The following TIAM1 variants were observed in gnomAD, a reference collection of about 807,000 sequenced individuals.
TIAM1 encodes TIAM Rac1 associated GEF 1.
Under a neutral mutation model 163.5 loss-of-function variants are expected in TIAM1, and 65 were observed. The ratio of observed to expected loss-of-function variants is 0.40; its 90% CI spans 0.33 to 0.49. The LOEUF (loss-of-function observed/expected upper bound fraction) is 0.49. Ranked by LOEUF, TIAM1 falls within the 20% of genes least tolerant of loss-of-function variation. The probability of loss-of-function intolerance (pLI) is 0.77; values close to 1 mark genes in which losing one functional copy is unlikely to be tolerated. For synonymous variants in TIAM1, 833 were observed against 810.1 expected (o/e 1.03, Z -0.48); for missense variants, 1,789 against 2,044.7 (o/e 0.87, Z 2.41).
In TIAM1 at chr21:31,291,380, C is replaced by T. The variant is rs547982458; in HGVS notation, c.-188-14472G>A. On this transcript the variant is annotated intron_variant, in intron 2 of 27. Coordinates refer to ENST00000541036, the MANE Select transcript of TIAM1 (RefSeq NM_001353694.2). ...ACCTGTCTCTGGCCAGCTTCCAATC[C>T]AGAAAGTCTGCTGATGATGGAAGGA... Among the ~76,000 whole-genome samples, 23 of 152,296 alleles carry T rather than the reference C, an allele frequency of 1.5e-4. 2 individuals are homozygous for T. The South Asian group carries it at 4.2e-3, about 28-fold the overall frequency.
intron 1 of TIAM1, among the ~76,000 whole-genome samples, chr21:31,512,232 GACTAC>G (rs1165882936): frequency 8.6e-5 from 13 of 152,020 alleles, no homozygotes; most frequent in African/African-American, 3.1e-4. Flanking sequence ...AAGTAGCTGG[GACTAC>G]AGGCACATAT....
intron 1 of TIAM1, among the ~76,000 whole-genome samples, chr21:31,503,616 A>G (rs1347973380): frequency 1.1e-5 from 1 of 86,992 alleles, no homozygotes; most frequent in Non-Finnish European, 2.4e-5. Flanking sequence ...GAGGGGAGGG[A>G]CCTGAAATCA....
chr21:31,506,578 C>T (rs2047036268), intron 1 of TIAM1, among the ~76,000 whole-genome samples: 1 of 152,180 alleles, frequency 6.6e-6, no homozygotes, highest in South Asian at 2.1e-4. Flanking sequence ...TTTTACTTAA[C>T]GTAATGTCTT....
intron 12 of TIAM1, among the ~76,000 whole-genome samples, chr21:31,200,206 G>A (rs937573487): frequency 6.6e-6 from 1 of 152,086 alleles, no homozygotes; most frequent in African/African-American, 2.4e-5. Flanking sequence ...GTGTGGTGGT[G>A]GGCAACTCTA....
intron 2 of TIAM1, among the ~76,000 whole-genome samples, chr21:31,425,061 A>C (rs1266255328): frequency 1.3e-5 from 2 of 152,040 alleles, no homozygotes; most frequent in African/African-American, 2.4e-5. Context: ...TCAAACAAAA[A>C]AAAAAAAAGA....
intron 1 of TIAM1, among the ~76,000 whole-genome samples, chr21:31,497,063 C>T (rs1159860615): frequency 1.3e-5 from 2 of 152,154 alleles, no homozygotes; most frequent in African/African-American, 2.4e-5. Flanking sequence ...ACCCACCTGC[C>T]ACTCACCTCC....
chr21:31,203,531 A>G (rs1321349750), intron 11 of TIAM1, among the ~76,000 whole-genome samples: 1 of 152,272 alleles, frequency 6.6e-6, no homozygotes, highest in East Asian at 1.9e-4. Context: ...CACTGGTAAC[A>G]TTCCAAGGGT....
At chr21:31,378,731 G>C (rs900246282) in intron 2 of TIAM1, among the ~76,000 whole-genome samples, 9 of 151,922 alleles carry the variant, frequency 5.9e-5, no homozygotes, top group African/African-American at 2.2e-4. Context: ...TGCACCCCTG[G>C]GTTCCACCAA....
At chr21:31,418,794 C>T (rs1301654965) in intron 2 of TIAM1, among the ~76,000 whole-genome samples, 4 of 152,192 alleles carry the variant, frequency 2.6e-5, no homozygotes, top group Non-Finnish European at 5.9e-5. Flanking sequence ...CGACACTGGA[C>T]TTTGCACAGA....
At chr21:31,374,876 A>T (rs984948561) in intron 2 of TIAM1, among the ~76,000 whole-genome samples, 2 of 152,250 alleles carry the variant, frequency 1.3e-5, no homozygotes, top group Non-Finnish European at 2.9e-5. Flanking sequence ...TATTTTAAAC[A>T]GATAATACCC....
At chr21:31,408,988 C>T (rs1207373783) in intron 2 of TIAM1, among the ~76,000 whole-genome samples, 1 of 142,902 alleles carries the variant, frequency 7.0e-6, no homozygotes, top group African/African-American at 3.0e-5. Context: ...CTGTGTCACC[C>T]ACATGCCCCC....
At chr21:31,320,083 T>C (rs1163162124) in intron 2 of TIAM1, among the ~76,000 whole-genome samples, 3 of 152,190 alleles carry the variant, frequency 2.0e-5, no homozygotes, top group Admixed American at 6.5e-5. Flanking sequence ...AACATATGTA[T>C]ATATACACCT....
chr21:31,541,982 T>C (rs2048335761), intron 1 of TIAM1, among the ~76,000 whole-genome samples: 1 of 152,182 alleles, frequency 6.6e-6, no homozygotes, highest in African/African-American at 2.4e-5. Context: ...CAATTAGCAA[T>C]TTCCTCACTT....
intron 8 of TIAM1, 51 bp downstream of exon 8, chr21:31,223,355 G>A: frequency 3.2e-6 from 5 of 1,538,498 alleles, no homozygotes; most frequent in Non-Finnish European, 4.4e-6. Flanking sequence ...TCCTGCTCAG[G>A]ATTAAGCGTC....
At chr21:31,177,037 T>C (rs768358299) in intron 15 of TIAM1, among the ~76,000 whole-genome samples, 3 of 152,176 alleles carry the variant, frequency 2.0e-5, no homozygotes, top group African/African-American at 7.2e-5. Flanking sequence ...TGAGGTGGCG[T>C]AGAAGGCAGG....
chr21:31,162,968 G>A (rs2084004190), intron 16 of TIAM1, among the ~76,000 whole-genome samples: 1 of 152,098 alleles, frequency 6.6e-6, no homozygotes, highest in Admixed American at 6.6e-5. Flanking sequence ...AAGCCCTGGA[G>A]CCTCTTCCGT....
chr21:31,428,994 C>CTTTGTTTGTTTGTTTG lies in TIAM1; in HGVS notation c.-369+34973_-369+34988dup, dbSNP rs376708387. The stretch of plus-strand genomic sequence containing the variant: ...TGGTGGCAGAATTGATACAACCTAA[C>CTTTGTTTGTTTGTTTG]TTTGTTTGTTTGTTTGTTTGTTTAA... On this transcript the variant is annotated intron_variant, in intron 2 of 28. Coordinates refer to the TIAM1 transcript ENST00000286827. Among the ~76,000 whole-genome samples the CTTTGTTTGTTTGTTTG allele has an allele frequency of 6.8e-3, 1,033 of 151,836 alleles. 11 individuals carry two copies. The highest frequency in any genetic ancestry group is 0.023 in the African/African-American group (960 of 41,316).
Position 31,150,724 on chromosome 21 carries a change from T to C in TIAM1, c.3366+1912A>G, listed in dbSNP as rs763013158. On this transcript the variant is annotated intron_variant, in intron 19 of 27. Transcript: ENST00000541036. Reference sequence around the variant, plus strand: ...AAAGTGTGATTCAAAAAGGGAAAATTTGAAAAACTGTACTTCATCAAAATT... The same window carrying C: ...AAAGTGTGATTCAAAAAGGGAAAATCTGAAAAACTGTACTTCATCAAAATT... Among the ~76,000 whole-genome samples the C allele has an allele frequency of 7.9e-5, 12 of 152,038 alleles. 1 individual carries two copies. In the East Asian group the frequency reaches 2.1e-3, roughly 27 times the overall value.
intron 2 of TIAM1, among the ~76,000 whole-genome samples, chr21:31,422,916 C>T (rs1319439462): frequency 6.6e-6 from 1 of 152,034 alleles, no homozygotes; most frequent in African/African-American, 2.4e-5. Flanking sequence ...GCACACTGGA[C>T]CAGCCTGCAG....
Sources: gnomAD v4.1 joint callset for allele counts (sites outside exome capture counted in the v4.1 genomes callset) on GRCh38, gnomAD v4.1.1 for gene constraint, MANE v1.5 for transcripts, NCBI Gene and HGNC (gene_info 2026-07-23, HGNC 2026-07-21) for gene names.